MAP3K21: variants seen among roughly 807,000 people sequenced by gnomAD.
MAP3K21 encodes the protein mitogen-activated protein kinase kinase kinase MLK4.
MAP3K21 carries 63 observed loss-of-function variants against 86.1 expected under a neutral mutation model. That is an observed-to-expected ratio of 0.73 (90% CI 0.60 to 0.90). The LOEUF is 0.90. Ranked by LOEUF, MAP3K21 falls within the 40% of genes least tolerant of loss-of-function variation. The pLI is 0.00. For missense variants in MAP3K21, 1,220 were observed against 1,367.7 expected (o/e 0.89, Z 1.70); for synonymous variants, 558 against 564.8 (o/e 0.99, Z 0.17).
rs376037289 is a variant in MAP3K21, at chr1:233,353,513, A to G, written c.987-294A>G. Among the ~76,000 whole-genome samples the G allele has an allele frequency of 2.6e-5, 4 of 152,256 alleles. No individual in the cohort carries two copies. The East Asian group carries it at 5.8e-4, about 22-fold the overall frequency. ...CTCCTAAAGTGTGACCTGGTTCTGGACCCTGTTTAATTCAATTGTGTACTA... is the reference window on the plus strand; with the variant it reads ...CTCCTAAAGTGTGACCTGGTTCTGGGCCCTGTTTAATTCAATTGTGTACTA... On this transcript the variant is annotated intron_variant, in intron 2 of 9. Coordinates refer to ENST00000366624, the MANE Select transcript of MAP3K21 (RefSeq NM_032435.3).
intron 6 of MAP3K21, 82 bp from the exon 7 acceptor site, chr1:233,375,834 T>G (rs1415211740): frequency 9.4e-7 from 1 of 1,058,720 alleles, no homozygotes; most frequent in African/African-American, 1.6e-5. Context: ...ACAACTGATA[T>G]GATTCATTTA....
intron 1 of MAP3K21, among the ~76,000 whole-genome samples, chr1:233,334,973 T>TTTA (rs1393969817): frequency 6.6e-6 from 1 of 151,674 alleles, no homozygotes; most frequent in East Asian, 1.9e-4. Flanking sequence ...CTTTTTTTTT[T>TTTA]TTATTATACT....
chr1:233,379,014 A>G lies in MAP3K21; in HGVS notation c.2008A>G (p.Ile670Val), dbSNP rs1391215689. The G allele has an allele frequency of 1.9e-6, 3 of 1,614,210 alleles. No homozygotes were observed. The highest frequency in any genetic ancestry group is 2.5e-6 in the Non-Finnish European group (3 of 1,180,022). Residue 670 changes from isoleucine (I) to valine (V), a missense_variant, in exon 9 of 10, where the codon ATT becomes GTT. Physicochemically the swap from Ile to Val is conservative, Grantham distance 29. Coordinates refer to ENST00000366624, the MANE Select transcript of MAP3K21 (RefSeq NM_032435.3). ...AATAAAATTGCCTAGTCAGGCCTAC[A>G]TTGATCTACCTCTTGGGAAAGATGC... ...KQIKLPSQAY[I>V]DLPLGKDAQR...
At chr1:233,370,847 C>T (rs1663667034) in intron 5 of MAP3K21, among the ~76,000 whole-genome samples, 1 of 152,132 alleles carries the variant, frequency 6.6e-6, no homozygotes, top group Admixed American at 6.5e-5. Context: ...TTTCTCCAGA[C>T]GGAAGTTATT....
chr1:233,378,690 G>A (rs114084170), intron 8 of MAP3K21, among the ~76,000 whole-genome samples: 1,783 of 152,296 alleles, frequency 0.012, 32 homozygotes, highest in African/African-American at 0.04. Flanking sequence ...GCTTCCCGAA[G>A]CATAGGAAAC....
At position 233,328,621 on chromosome 1, in the gene MAP3K21, T is replaced by G. The variant is rs960845274; in HGVS notation, c.593T>G (p.Leu198Arg). The stretch of plus-strand genomic sequence containing the variant: ...TGCCTGCAGCAGCCGCACCTCTGCC[T>G]GGTGCTGGAGTTCGCCCGCGGCGGA... ...GVCLQQPHLC[L>R]VLEFARGGAL... Residue 198 changes from leucine to arginine, a missense_variant, in exon 1 of 10, where the codon CTG becomes CGG. Physicochemically the swap from Leu to Arg is moderately radical, Grantham distance 102. Transcript: ENST00000366624. The surrounding 1 kb of genome is among the most constrained non-coding windows in gnomAD (Gnocchi z 8.7). 16 of 1,494,494 alleles carry G rather than the reference T, an allele frequency of 1.1e-5. No homozygotes were observed. The highest frequency in any genetic ancestry group is 3.5e-6 in the Non-Finnish European group (4 of 1,128,666). 92.6% of individuals were successfully genotyped at this position (1,494,494 alleles called of 1,614,324 possible). A position where few individuals can be genotyped will look rare whatever the true frequency, so the allele number is the denominator to read the frequency against.
At position 233,379,102 on chromosome 1, in the gene MAP3K21, C is replaced by T. The variant is rs1479911972; in HGVS notation, c.2096C>T (p.Thr699Ile). 3 of 1,614,224 alleles carry T rather than the reference C, an allele frequency of 1.9e-6. No individual in the cohort carries two copies. Among genetic ancestry groups the T allele is most frequent in the Non-Finnish European group, 2.5e-6 (3 of 1,180,036 alleles). ...WEEAASANAATVSIEMTPTNS... is the reference protein window; with the variant it reads ...WEEAASANAAIVSIEMTPTNS... ...GAGGCAGCCTCTGCGAATGCTGCCA[C>T]AGTCTCCATTGAGATGACTCCTACG... Residue 699 changes from threonine (T) to isoleucine (I), a missense_variant, in exon 9 of 10, where the codon ACA becomes ATA. By Grantham distance (89) the Thr-to-Ile change is moderately conservative (BLOSUM62 -1). This residue lies in a region of MAP3K21 where 632 missense variants were observed against 691.3 expected (regional missense o/e 0.91). Coordinates refer to ENST00000366624, the MANE Select transcript of MAP3K21 (RefSeq NM_032435.3).
In MAP3K21 at chr1:233,379,482, C is replaced by T. The variant is rs1361786010; in HGVS notation, c.2476C>T (p.Pro826Ser). 1.2e-6 allele frequency: 2 copies of T among 1,614,160 alleles called. No homozygotes were observed. The highest frequency in any genetic ancestry group is 2.2e-5 in the South Asian group (2 of 91,084). The part of the protein sequence containing the change: ...DSEDPLVDSA[P>S]VTCDSEMLTP... The stretch of plus-strand genomic sequence containing the variant: ...TGAAGATCCACTGGTGGACAGTGCA[C>T]CTGTCACTTGTGACTCTGAGATGCT... The change falls in exon 9 of 10, where the codon CCT (proline) becomes TCT (serine). Residue 826 changes from proline to serine, a missense_variant. Pro to Ser is a moderately conservative substitution (Grantham distance 74). Around this residue, in one of 5 missense-constraint regions of MAP3K21, gnomAD observed 632 missense variants for 691.3 expected, o/e 0.91. Coordinates refer to ENST00000366624, the MANE Select transcript of MAP3K21 (RefSeq NM_032435.3).
At chr1:233,355,401 G>C (rs1663333370) in intron 4 of MAP3K21, among the ~76,000 whole-genome samples, 1 of 152,158 alleles carries the variant, frequency 6.6e-6, no homozygotes, top group Non-Finnish European at 1.5e-5. Context: ...CTGAAATACA[G>C]AATGTTTTCT....
At chr1:233,371,992 A>T in intron 5 of MAP3K21, 46 bp from the exon 6 acceptor site, 1 of 1,590,992 alleles carries the variant, frequency 6.3e-7, no homozygotes, top group Non-Finnish European at 8.6e-7. Context: ...CTATGAAGAT[A>T]AAGGAAAACC....
chr1:233,357,388 G>C (rs1021511950), intron 4 of MAP3K21, among the ~76,000 whole-genome samples: 3 of 148,858 alleles, frequency 2.0e-5, no homozygotes, highest in Admixed American at 1.3e-4. Context: ...ATGTACCCTA[G>C]AACTTAAAGT....
intron 5 of MAP3K21, among the ~76,000 whole-genome samples, chr1:233,362,882 T>C (rs1345000282): frequency 6.6e-6 from 1 of 152,180 alleles, no homozygotes; most frequent in Non-Finnish European, 1.5e-5. Flanking sequence ...TAAATCATTT[T>C]AGTAATGTGT....
At chr1:233,330,603 T>G (rs1662792927) in intron 1 of MAP3K21, among the ~76,000 whole-genome samples, 1 of 152,202 alleles carries the variant, frequency 6.6e-6, no homozygotes, top group Non-Finnish European at 1.5e-5. Context: ...ACAGCACCAT[T>G]CATTCTTTCC....
At chr1:233,336,170 G>C (rs1026871059) in intron 1 of MAP3K21, among the ~76,000 whole-genome samples, 2 of 152,146 alleles carry the variant, frequency 1.3e-5, no homozygotes, top group Non-Finnish European at 2.9e-5. Flanking sequence ...AGGAATAAGC[G>C]ATGCATTTTT....
rs1193982335 is a variant in MAP3K21, at chr1:233,328,260, G to A, written c.232G>A (p.Glu78Lys). The A allele has an allele frequency of 6.7e-7, 1 of 1,490,052 alleles. No individual in the cohort carries two copies. The highest frequency in any genetic ancestry group is 1.3e-5 in the South Asian group (1 of 79,516). The allele number at this position is 1,490,052 out of a possible 1,614,324, so 92.3% of individuals were successfully genotyped here. The change falls in exon 1 of 10, where the codon GAG (glutamate) becomes AAG (lysine). Residue 78 changes from glutamate (E) to lysine (K), a missense_variant. Coordinates refer to ENST00000366624, the MANE Select transcript of MAP3K21 (RefSeq NM_032435.3). The surrounding 1 kb of genome is among the most constrained non-coding windows in gnomAD (Gnocchi z 8.7). ...LSQDAAVSGD[E>K]GWWAGQVQRR... is the part of the protein sequence containing the mutation. ...GCAGGACGCCGCCGTGTCGGGCGAC[G>A]AGGGCTGGTGGGCAGGCCAGGTGCA...
intron 1 of MAP3K21, among the ~76,000 whole-genome samples, chr1:233,334,092 C>G (rs1401217738): frequency 1.3e-5 from 2 of 151,820 alleles, no homozygotes; most frequent in Non-Finnish European, 2.9e-5. Flanking sequence ...GTCTTGATCT[C>G]CTGACCTCGT....
chr1:233,329,332 C>A (rs1352271303), intron 1 of MAP3K21, among the ~76,000 whole-genome samples: 6 of 152,184 alleles, frequency 3.9e-5, no homozygotes, highest in Non-Finnish European at 8.8e-5. Flanking sequence ...ATGTCTCTTA[C>A]CTTTTCCAAA....
intron 1 of MAP3K21, among the ~76,000 whole-genome samples, chr1:233,339,473 T>TCCTTCTCCTC (rs1662994847): frequency 1.3e-4 from 3 of 23,378 alleles, no homozygotes; most frequent in East Asian, 2.8e-3. Context: ...TCCTTCTCCT[T>TCCTTCTCCTC]CTTCTTCTTC....
chr1:233,329,130 A>T (rs942653683), intron 1 of MAP3K21, among the ~76,000 whole-genome samples: 1 of 152,180 alleles, frequency 6.6e-6, no homozygotes, highest in Non-Finnish European at 1.5e-5. Context: ...CTCAGGGGGC[A>T]GTCTGGCCTT....
Sources: gnomAD v4.1 joint callset for allele counts (sites outside exome capture counted in the v4.1 genomes callset) on GRCh38, gnomAD v4.1.1 for gene constraint, gnomAD v4.1.1 regional missense constraint, Gnocchi (gnomAD v3.1) non-coding constraint, MANE v1.5 for transcripts, NCBI Gene and HGNC (gene_info 2026-07-23, HGNC 2026-07-21) for gene names.